The following DYSF variants were observed in gnomAD, a reference collection of about 807,000 sequenced individuals.
DYSF encodes dysferlin, also known as dystrophy-associated fer-1-like 1.
A neutral mutation model predicts 274.9 loss-of-function variants in DYSF; 212 were observed. The observed-to-expected ratio is 0.77, with a 90% CI of 0.69 to 0.86. DYSF has a LOEUF of 0.86. DYSF is among the 40% of genes least tolerant of loss of function. DYSF has a pLI of 0.00. For missense variants in DYSF, 2,666 were observed against 2,783.2 expected (o/e 0.96, Z 0.95); for synonymous variants, 1,091 against 1,078.7 (o/e 1.01, Z -0.22).
chr2:71,682,755 T>G, intron 55 of DYSF, 78 bp downstream of exon 55: 1 of 1,543,032 alleles, frequency 6.5e-7, no homozygotes, highest in Non-Finnish European at 8.8e-7. Flanking sequence ...CAAAGAGCTC[T>G]CCCAGTCTAA....
At chr2:71,487,174 G>A (rs1036702492) in intron 3 of DYSF, among the ~76,000 whole-genome samples, 6 of 152,194 alleles carry the variant, frequency 3.9e-5, no homozygotes, top group Non-Finnish European at 7.3e-5. Context: ...TGATGGAAAT[G>A]TTGTCTTTGT....
intron 22 of DYSF, 63 bp from the exon 23 acceptor site, chr2:71,561,689 C>T: frequency 6.9e-6 from 11 of 1,598,598 alleles, no homozygotes; most frequent in Non-Finnish European, 7.7e-6. Context: ...GGCACATGTG[C>T]ATGCCTGGAC....
At chr2:71,649,960 G>T (rs1283857176) in intron 42 of DYSF, among the ~76,000 whole-genome samples, 1 of 152,178 alleles carries the variant, frequency 6.6e-6, no homozygotes, top group African/African-American at 2.4e-5. Context: ...AGATGAGAGG[G>T]TATTCAGGTT....
chr2:71,500,826 G>A (rs906762112), intron 3 of DYSF, among the ~76,000 whole-genome samples: 1 of 151,974 alleles, frequency 6.6e-6, no homozygotes. Flanking sequence ...GTGCTCTGGG[G>A]GATTGACAGG....
At chr2:71,613,500 C>A in intron 40 of DYSF, 90 bp downstream of exon 40, 2 of 1,123,346 alleles carry the variant, frequency 1.8e-6, no homozygotes, top group Non-Finnish European at 2.7e-6. Flanking sequence ...CCTTCATTAT[C>A]ACACAGCCTC....
intron 44 of DYSF, among the ~76,000 whole-genome samples, chr2:71,660,148 A>C (rs2094851486): frequency 6.6e-6 from 1 of 152,212 alleles, no homozygotes; most frequent in South Asian, 2.1e-4. Context: ...GGAAGCATGG[A>C]GGGAGACCTC....
chr2:71,667,496 T>A lies in DYSF; in HGVS notation c.5438T>A (p.Leu1813Gln), dbSNP rs1242438362. The change falls in exon 48 of 56, where the codon CTG becomes CAG. Residue 1813 changes from leucine to glutamine, a missense_variant. Coordinates refer to ENST00000410020, the MANE Select transcript of DYSF (RefSeq NM_001130987.2). The part of the protein sequence containing the change: ...HVESRPLYSP[L>Q]QPDIEQGKLQ... ...GAGTCACGGCCCCTCTACAGCCCCC[T>A]GCAGCCAGACATCGAGCAGGTAGGA... 2 of 1,614,154 alleles carry A rather than the reference T, an allele frequency of 1.2e-6. No individual in the cohort carries two copies. The highest frequency in any genetic ancestry group is 1.7e-5 in the Admixed American group (1 of 60,024).
chr2:71,523,643 T>G (rs2087550751), intron 12 of DYSF, among the ~76,000 whole-genome samples: 2 of 150,804 alleles, frequency 1.3e-5, no homozygotes, highest in African/African-American at 4.9e-5. Flanking sequence ...GCCTCCCGAG[T>G]TCAAGTGATT....
chr2:71,566,353 C>T (rs993384088), intron 24 of DYSF, among the ~76,000 whole-genome samples: 16 of 49,804 alleles, frequency 3.2e-4, no homozygotes, highest in Non-Finnish European at 1.1e-4. Flanking sequence ...TGGTTTCAAG[C>T]AAAAAAAAAA....
chr2:71,457,824 T>A (rs1437604664), intron 1 of DYSF, among the ~76,000 whole-genome samples: 1 of 152,136 alleles, frequency 6.6e-6, no homozygotes, highest in South Asian at 2.1e-4. Context: ...GCCAGGGCAA[T>A]GGTCACATGG....
chr2:71,542,330 C>A (rs555985475), intron 17 of DYSF, among the ~76,000 whole-genome samples: 7 of 150,764 alleles, frequency 4.6e-5, no homozygotes, highest in Admixed American at 1.3e-4. Flanking sequence ...CTGCTTCGTA[C>A]ATGGTTTAAA....
chr2:71,555,542 G>A (rs1315599826), intron 21 of DYSF, among the ~76,000 whole-genome samples: 3 of 152,150 alleles, frequency 2.0e-5, no homozygotes, highest in Non-Finnish European at 4.4e-5. Context: ...GGAGGAGGGC[G>A]CTCTTAGTCT....
chr2:71,631,014 A>G (rs1479252690), intron 41 of DYSF, among the ~76,000 whole-genome samples: 1 of 152,226 alleles, frequency 6.6e-6, no homozygotes, highest in Non-Finnish European at 1.5e-5. Flanking sequence ...TTCATGGTCT[A>G]ATTCTCTAAG....
In DYSF at chr2:71,612,707, GGCC is replaced by G. The variant is rs765090357; in HGVS notation, c.4293_4295del (p.Arg1432del). 5 of 1,614,080 alleles carry G rather than the reference GGCC, an allele frequency of 3.1e-6. No individual in the cohort carries two copies. In the African/African-American group the frequency reaches 6.7e-5, roughly 22 times the overall value. On this transcript the variant is annotated inframe_deletion, in exon 39 of 56. Coordinates refer to ENST00000410020, the MANE Select transcript of DYSF (RefSeq NM_001130987.2). ...CAAGGTCATCGATAACCGCCAGTTT[GGCC>G]GCCGGCCTGTGGTGGGCCAGTGTAC...
At position 71,669,216 on chromosome 2, in the gene DYSF, C is replaced by T; in HGVS notation, c.5642+9C>T. On this transcript the variant is annotated intron_variant, in intron 50 of 55. Coordinates refer to ENST00000410020, the MANE Select transcript of DYSF (RefSeq NM_001130987.2). ...GACATTTATGTGAAAGGGTAGGGAG[C>T]CAGCGTCCTCTTGCCTGTCCAGCTT... 1 of 1,594,666 alleles carries T rather than the reference C, an allele frequency of 6.3e-7. No individual in the cohort carries two copies. Among genetic ancestry groups the T allele is most frequent in the Non-Finnish European group, 8.6e-7 (1 of 1,169,116 alleles).
upstream of DYSF, among the ~76,000 whole-genome samples, chr2:71,464,429 A>G (rs2081410634): frequency 6.6e-6 from 1 of 152,232 alleles, no homozygotes; most frequent in African/African-American, 2.4e-5. Flanking sequence ...GGGAGATGAA[A>G]GAGGGAAAGT....
At chr2:71,491,983 G>A (rs557161095) in intron 3 of DYSF, among the ~76,000 whole-genome samples, 5 of 152,274 alleles carry the variant, frequency 3.3e-5, no homozygotes, top group South Asian at 4.1e-4. Context: ...GCCAGCCCCC[G>A]CTTCTGGCAT....
chr2:71,667,270 G>A, intron 47 of DYSF, 106 bp from the exon 48 acceptor site: 1 of 1,556,358 alleles, frequency 6.4e-7, no homozygotes, highest in African/African-American at 1.4e-5. Context: ...GGGGGTTAGA[G>A]CTTCTTATGA....
chr2:71,669,477 A>G, intron 50 of DYSF, 128 bp from the exon 51 acceptor site: 2 of 1,242,098 alleles, frequency 1.6e-6, no homozygotes, highest in South Asian at 1.3e-5. Flanking sequence ...CATCGTGCCG[A>G]TTTCCTGGGA....
Sources: gnomAD v4.1 joint callset for allele counts (sites outside exome capture counted in the v4.1 genomes callset) on GRCh38, gnomAD v4.1.1 for gene constraint, MANE v1.5 for transcripts, NCBI Gene and HGNC (gene_info 2026-07-23, HGNC 2026-07-21) for gene names.